The following LRP1B variants were observed in gnomAD, a reference collection of about 807,000 sequenced individuals.
LRP1B encodes low-density lipoprotein receptor-related protein 1B.
LRP1B carries 217 observed loss-of-function variants against 556.6 expected under a neutral mutation model. That is an observed-to-expected ratio of 0.39 (90% CI 0.35 to 0.44). The LOEUF (loss-of-function observed/expected upper bound fraction) is 0.44, where lower values mean the gene tolerates loss of function less well. LRP1B is among the 20% of genes least tolerant of loss of function. The probability of loss-of-function intolerance (pLI) is 1.00; values close to 1 mark genes in which losing one functional copy is unlikely to be tolerated. For synonymous variants in LRP1B, 2,047 were observed against 1,865.8 expected, an observed-to-expected ratio of 1.10 and a Z score of -2.50; for missense variants, 5,053 against 5,620.8, an observed-to-expected ratio of 0.90 and a Z score of 3.23.
chr2:140,959,891 A>G (rs1437819498), intron 18 of LRP1B, among the ~76,000 whole-genome samples: 1 of 151,688 alleles, frequency 6.6e-6, no homozygotes, highest in African/African-American at 2.4e-5. Context: ...AAATTCATAC[A>G]CTGCAATTAT....
Position 140,702,121 on chromosome 2 carries a change from C to G in LRP1B, c.6302+20G>C. 1 of 1,609,898 alleles carries G rather than the reference C, an allele frequency of 6.2e-7. No individual in the cohort carries two copies. Among genetic ancestry groups the G allele is most frequent in the Non-Finnish European group, 8.5e-7 (1 of 1,178,062 alleles). The stretch of plus-strand genomic sequence containing the variant: ...GAAATAACATTTTGAGACTCAAATA[C>G]TTATGAAAAAATAAATTACCTGTCA... On this transcript the variant is annotated intron_variant, in intron 39 of 90. Coordinates refer to ENST00000389484, the MANE Select transcript of LRP1B (RefSeq NM_018557.3).
At chr2:141,282,046 TA>T (rs1490272946) in intron 3 of LRP1B, among the ~76,000 whole-genome samples, 2 of 152,110 alleles carry the variant, frequency 1.3e-5, no homozygotes, top group Admixed American at 1.3e-4. Flanking sequence ...GTGTAGGATT[TA>T]TTTTTCTAAA....
chr2:141,480,490 A>T lies in LRP1B; in HGVS notation c.249T>A (p.Ala83=), dbSNP rs2105090184. The part of the protein sequence containing the change: ...VEIKCPLNHI[A]CLGTNKCVHL... ...GAACACATTTGTTGGTACCAAGGCA[A>T]GCAATGTGATTCAAGGGGCACTTGA... The change falls in exon 3 of 91, where the codon GCT becomes GCA. Residue 83 remains alanine, a synonymous_variant. Coordinates refer to ENST00000389484, the MANE Select transcript of LRP1B (RefSeq NM_018557.3). 6.2e-7 allele frequency: 1 copy of T among 1,614,068 alleles called. No individual in the cohort carries two copies. The highest frequency in any genetic ancestry group is 1.1e-5 in the South Asian group (1 of 91,084).
At chr2:141,214,734 T>C (rs1002334533) in intron 6 of LRP1B, among the ~76,000 whole-genome samples, 2 of 152,154 alleles carry the variant, frequency 1.3e-5, no homozygotes, top group African/African-American at 4.8e-5. Context: ...AAAATAAATT[T>C]ATAGGTGCAT....
intron 11 of LRP1B, among the ~76,000 whole-genome samples, chr2:141,035,699 A>G (rs1274831719): frequency 1.3e-5 from 2 of 151,926 alleles, no homozygotes; most frequent in African/African-American, 4.8e-5. Flanking sequence ...ACATAAACCA[A>G]TTTTTCTTTT....
intron 27 of LRP1B, among the ~76,000 whole-genome samples, chr2:140,855,767 G>T (rs1277618659): frequency 6.6e-6 from 1 of 152,066 alleles, no homozygotes; most frequent in East Asian, 1.9e-4. Flanking sequence ...TTTTGAAGTT[G>T]CAGTGAGCTA....
chr2:141,231,816 AT>A (rs1683483719), intron 5 of LRP1B, among the ~76,000 whole-genome samples: 1 of 152,140 alleles, frequency 6.6e-6, no homozygotes, highest in Non-Finnish European at 1.5e-5. Context: ...GACATTAAAT[AT>A]TTTTTATACA....
At chr2:140,952,033 C>T in intron 18 of LRP1B, 93 bp from the exon 19 acceptor site, 1 of 875,656 alleles carries the variant, frequency 1.1e-6, no homozygotes, top group South Asian at 1.5e-5. Context: ...AGAACTCCTT[C>T]CCTGTTCTCT....
intron 31 of LRP1B, among the ~76,000 whole-genome samples, chr2:140,815,533 T>C (rs1208670627): frequency 6.6e-6 from 1 of 152,102 alleles, no homozygotes; most frequent in East Asian, 1.9e-4. Flanking sequence ...TAAAGCTAGC[T>C]TATGCTCAGA....
chr2:141,278,071 C>T (rs144261793), intron 3 of LRP1B, among the ~76,000 whole-genome samples: 5 of 152,206 alleles, frequency 3.3e-5, no homozygotes, highest in Non-Finnish European at 5.9e-5. Context: ...TATTTTGATT[C>T]GTGAGCATGA....
At chr2:140,709,483 G>A (rs10084176) in intron 37 of LRP1B, among the ~76,000 whole-genome samples, 1 of 151,146 alleles carries the variant, frequency 6.6e-6, no homozygotes, top group Non-Finnish European at 1.5e-5. Flanking sequence ...AAGAGGAAGA[G>A]GAGGAGGAGG....
rs112105693 is a variant in LRP1B, at chr2:141,823,692, G to A, written c.83-13291C>T. ...GATTTTGCTGTTGTTATTATTTTGA[G>A]ACAGAGTCTCATTCTAGCCTAGGCT... On this transcript the variant is annotated intron_variant, in intron 1 of 90. Transcript: ENST00000389484. Among the ~76,000 whole-genome samples the A allele has an allele frequency of 2.6e-3, 392 of 152,260 alleles. 4 individuals carry two copies. Among genetic ancestry groups the A allele is most frequent in the African/African-American group, 9.2e-3 (381 of 41,530 alleles).
At chr2:140,932,742 G>A (rs1482180075) in intron 20 of LRP1B, among the ~76,000 whole-genome samples, 2 of 150,902 alleles carry the variant, frequency 1.3e-5, no homozygotes, top group South Asian at 2.1e-4. Flanking sequence ...AGCAGGGCAT[G>A]GTGGCATGCA....
intron 2 of LRP1B, among the ~76,000 whole-genome samples, chr2:141,701,909 A>G (rs539236103): frequency 6.6e-6 from 1 of 152,022 alleles, no homozygotes; most frequent in South Asian, 2.1e-4. Context: ...CAAAGAGACA[A>G]ATGTGATTGT....
At chr2:141,504,199 T>C (rs1392728278) in intron 2 of LRP1B, among the ~76,000 whole-genome samples, 1 of 152,178 alleles carries the variant, frequency 6.6e-6, no homozygotes, top group African/African-American at 2.4e-5. Flanking sequence ...CGAAGATGAA[T>C]TGGCTTATTT....
chr2:140,810,525 ATT>A (rs1011553921), intron 32 of LRP1B, among the ~76,000 whole-genome samples: 1 of 150,562 alleles, frequency 6.6e-6, no homozygotes, highest in African/African-American at 2.4e-5. Flanking sequence ...AGGCCATCAC[ATT>A]TTTTTTTCTC....
intron 21 of LRP1B, among the ~76,000 whole-genome samples, chr2:140,911,384 T>C (rs1274952625): frequency 1.3e-5 from 2 of 151,806 alleles, no homozygotes; most frequent in African/African-American, 4.8e-5. Flanking sequence ...TTTCATTGAA[T>C]ACTCTTGTGC....
intron 1 of LRP1B, among the ~76,000 whole-genome samples, chr2:141,932,319 G>C (rs1296166017): frequency 6.6e-6 from 1 of 151,972 alleles, no homozygotes; most frequent in East Asian, 1.9e-4. Context: ...CTTGAGAAAA[G>C]AGGAATTAAA....
intron 85 of LRP1B, among the ~76,000 whole-genome samples, chr2:140,271,992 C>T (rs1333851337): frequency 1.3e-5 from 2 of 151,826 alleles, no homozygotes; most frequent in Non-Finnish European, 2.9e-5. Context: ...AAAAAGATAA[C>T]TGTTTATCAA....
Sources: allele counts gnomAD v4.1 joint callset (sites outside exome capture counted in the v4.1 genomes callset), GRCh38; gene constraint gnomAD v4.1.1; transcripts MANE v1.5; gene names NCBI Gene and HGNC (gene_info 2026-07-23, HGNC 2026-07-21).